ABCB4: variants seen among roughly 807,000 people sequenced by gnomAD.
ABCB4 encodes phosphatidylcholine translocator ABCB4.
Under a neutral mutation model 145.7 loss-of-function variants are expected in ABCB4, and 76 were observed. The observed-to-expected ratio is 0.52, with a 90% CI of 0.43 to 0.63. The LOEUF is 0.63. Among genes scored for constraint, ABCB4 ranks in the 30% least tolerant of loss-of-function variants. The pLI, the probability that ABCB4 is intolerant of heterozygous loss-of-function variation, is 0.00. For missense variants in ABCB4, 1,234 were observed against 1,553.1 expected, an observed-to-expected ratio of 0.79 and a Z score of 3.45; for synonymous variants, 517 against 566.8, an observed-to-expected ratio of 0.91 and a Z score of 1.25.
rs371785237 is a variant in ABCB4, at chr7:87,408,826, T to C, written c.3081+410A>G. ...TGTGAGTTTAAGTTACCTTTATAGA[T>C]AATAAAGCACAGGATTATTACTCTC... is the stretch of plus-strand genomic sequence containing the variant. On this transcript the variant is annotated intron_variant, in intron 24 of 27. Transcript: ENST00000649586. Among the ~76,000 whole-genome samples, 19 of 152,334 alleles carry C rather than the reference T, an allele frequency of 1.2e-4. No individual in the cohort carries two copies. The East Asian group carries it at 2.9e-3, about 23-fold the overall frequency.
intron 20 of ABCB4, 51 bp from the exon 21 acceptor site, chr7:87,417,566 G>T: frequency 6.8e-7 from 1 of 1,474,574 alleles, no homozygotes; most frequent in South Asian, 1.1e-5. Context: ...CCAAATGCAT[G>T]CGCTCCAGCC....
intron 10 of ABCB4, among the ~76,000 whole-genome samples, chr7:87,444,298 T>C (rs1489404707): frequency 1.3e-5 from 2 of 152,198 alleles, no homozygotes; most frequent in African/African-American, 4.8e-5. Context: ...AAAAGGAAAT[T>C]GCTTAGATTA....
At chr7:87,470,562 T>C (rs1451101146) in intron 3 of ABCB4, among the ~76,000 whole-genome samples, 3 of 152,134 alleles carry the variant, frequency 2.0e-5, no homozygotes, top group African/African-American at 4.8e-5. Context: ...GTGAAGGATA[T>C]GAACAGACAC....
At chr7:87,378,689 A>T in the ABCB4 span, among the ~76,000 whole-genome samples, 1 of 152,190 alleles carries the variant, frequency 6.6e-6, no homozygotes, top group Admixed American at 6.5e-5. Flanking sequence ...AATAATCCTC[A>T]TCAGTTGTGA....
Position 87,422,166 on chromosome 7 carries a change from A to T in ABCB4, c.2271T>A (p.Ile757=). 6.2e-7 allele frequency: 1 copy of T among 1,613,584 alleles called. No individual in the cohort carries two copies. Among genetic ancestry groups the T allele is most frequent in the Non-Finnish European group, 8.5e-7 (1 of 1,179,664 alleles). Residue 757 remains isoleucine (I), a synonymous_variant, in exon 18 of 28, where the codon ATT becomes ATA. Transcript: ENST00000649586. ...KQQKCNIFSL[I]FLFLGIISFF... is the part of the protein sequence containing the mutation. ...AAGAAATAATTCCCAGAAATAAGAAAATCAAAGAGAATATGTTGCACTTCT... is the reference window on the plus strand; with the variant it reads ...AAGAAATAATTCCCAGAAATAAGAATATCAAAGAGAATATGTTGCACTTCT...
At chr7:87,406,185 G>C in intron 26 of ABCB4, 103 bp downstream of exon 26, 1 of 1,238,714 alleles carries the variant, frequency 8.1e-7, no homozygotes, top group Non-Finnish European at 1.2e-6. Flanking sequence ...GTTAATGTTA[G>C]TAAATCAACA....
intron 2 of ABCB4, among the ~76,000 whole-genome samples, chr7:87,473,701 T>C (rs549925418): frequency 6.6e-6 from 1 of 151,664 alleles, no homozygotes; most frequent in African/African-American, 2.4e-5. Context: ...CTGTCCTCCG[T>C]ACTATAATAT....
chr7:87,388,309 T>C, the ABCB4 span, among the ~76,000 whole-genome samples: 1 of 152,040 alleles, frequency 6.6e-6, no homozygotes, highest in Admixed American at 6.6e-5. Flanking sequence ...AAAGAGCCTG[T>C]ATAGCCAAAA....
At chr7:87,429,896 G>T (rs1362945575) in intron 15 of ABCB4, among the ~76,000 whole-genome samples, 2 of 140,958 alleles carry the variant, frequency 1.4e-5, no homozygotes, top group African/African-American at 2.7e-5. Context: ...TCTAATTTGT[G>T]TCAGGTCTTT....
At chr7:87,390,840 A>G in the ABCB4 span, among the ~76,000 whole-genome samples, 3 of 152,240 alleles carry the variant, frequency 2.0e-5, no homozygotes, top group Non-Finnish European at 2.9e-5. Flanking sequence ...CTTAAAACAC[A>G]TACTTTTTTA....
At chr7:87,465,217 C>G (rs1812777553) in intron 3 of ABCB4, among the ~76,000 whole-genome samples, 1 of 152,224 alleles carries the variant, frequency 6.6e-6, no homozygotes, top group African/African-American at 2.4e-5. Context: ...AACGGCACAT[C>G]AGGAGATTAC....
In ABCB4 at chr7:87,454,568, T is replaced by C; in HGVS notation, c.311A>G (p.Asn104Ser). ...TTCTTCTTCCAGAATTTTGCCTGGA[T>C]TTAGCAGCGACAAGGAAAAGTTCAC... ...FPVNFSLSLL[N>S]PGKILEEEMT... The change falls in exon 5 of 28, where the codon AAT becomes AGT. Residue 104 changes from asparagine to serine, a missense_variant. Asn to Ser is a conservative substitution (Grantham distance 46). Around this residue, in one of 7 missense-constraint regions of ABCB4, gnomAD observed 467 missense variants for 632.8 expected, o/e 0.74. Coordinates refer to ENST00000649586, the MANE Select transcript of ABCB4 (RefSeq NM_000443.4). 6.2e-7 allele frequency: 1 copy of C among 1,611,660 alleles called. No individual in the cohort carries two copies. Among genetic ancestry groups the C allele is most frequent in the African/African-American group, 1.3e-5 (1 of 74,968 alleles).
In ABCB4 at chr7:87,475,476, G is replaced by A; in HGVS notation, c.-6-5C>T. ...CGCCTCAAGATCCATCTCAGCCTGA[G>A]GAGAAACCACAGCCTCAGAACCAAG... On this transcript the variant is annotated splice_polypyrimidine_tract_variant and splice_region_variant and intron_variant, in intron 1 of 27. Transcript: ENST00000649586. 6.2e-7 allele frequency: 1 copy of A among 1,614,168 alleles called. No individual in the cohort carries two copies. Among genetic ancestry groups the A allele is most frequent in the Non-Finnish European group, 8.5e-7 (1 of 1,180,014 alleles).
chr7:87,454,370 C>A (rs1811969905), intron 5 of ABCB4, among the ~76,000 whole-genome samples, 165 bp downstream of exon 5: 1 of 152,048 alleles, frequency 6.6e-6, no homozygotes, highest in African/African-American at 2.4e-5. Context: ...CAGTAAAGGG[C>A]CATGATGTGT....
chr7:87,384,394 T>G, the ABCB4 span, among the ~76,000 whole-genome samples: 7 of 152,134 alleles, frequency 4.6e-5, no homozygotes, highest in African/African-American at 1.7e-4. Flanking sequence ...TAGCCTGATG[T>G]AGGGGCACAT....
In ABCB4 at chr7:87,426,774, G is replaced by C; in HGVS notation, c.2040C>G (p.Ser680Arg). ...CAAGTCCATCGGTTTCCACATCAAG[G>C]CTCTTCTGACACATTTGTGAATTTT... ...NLKNSQMCQK[S>R]LDVETDGLEA... Residue 680 changes from serine to arginine, a missense_variant, in exon 16 of 28, where the codon AGC (serine) becomes AGG (arginine). Ser to Arg is a moderately radical substitution (Grantham distance 110). Transcript: ENST00000649586. The C allele has an allele frequency of 6.2e-7, 1 of 1,613,866 alleles. No homozygotes were observed. The highest frequency in any genetic ancestry group is 1.1e-5 in the South Asian group (1 of 91,066).
intron 6 of ABCB4, 170 bp downstream of exon 6, chr7:87,452,774 T>C (rs997949194): frequency 4.8e-5 from 36 of 753,302 alleles, no homozygotes; most frequent in Non-Finnish European, 7.0e-5. Context: ...AAAGCCAACA[T>C]GCAATGGCAT....
rs556115015 is a variant in ABCB4 at position 87,441,447 on chromosome 7, T to C, written c.1357-1045A>G. Among the ~76,000 whole-genome samples the C allele has an allele frequency of 3.3e-5, 5 of 152,322 alleles. No homozygotes were observed. In the East Asian group the frequency reaches 5.8e-4, roughly 18 times the overall value. On this transcript the variant is annotated intron_variant, in intron 12 of 27. Coordinates refer to ENST00000649586, the MANE Select transcript of ABCB4 (RefSeq NM_000443.4). ...TTTCTTGAAACTTTTTACAAATCTT[T>C]ATATATTCCAGAGAGTCGCATGTTC...
the ABCB4 span, chr7:87,377,391 G>A: frequency 6.2e-7 from 1 of 1,611,736 alleles, no homozygotes; most frequent in Non-Finnish European, 8.5e-7. Context: ...AGTACGCTGG[G>A]GTGACAAATC....
Sources: allele counts gnomAD v4.1 joint callset (sites outside exome capture counted in the v4.1 genomes callset), GRCh38; gene constraint gnomAD v4.1.1; regional missense constraint gnomAD v4.1.1; transcripts MANE v1.5; gene names NCBI Gene and HGNC (gene_info 2026-07-23, HGNC 2026-07-21).